Variants in VPS13C observed in about 807,000 individuals in gnomAD.
VPS13C encodes intermembrane lipid transfer protein VPS13C.
VPS13C carries 358 observed loss-of-function variants against 456.8 expected under a neutral mutation model. The ratio of observed to expected loss-of-function variants is 0.78; its 90% confidence interval spans 0.72 to 0.86. VPS13C has a LOEUF of 0.86. VPS13C is among the 40% of genes least tolerant of loss of function. VPS13C has a pLI of 0.00. For missense variants in VPS13C, 4,818 were observed against 4,385.4 expected (o/e 1.10, Z -2.79); for synonymous variants, 1,578 against 1,486.7 (o/e 1.06, Z -1.41).
At chr15:61,923,336 C>A (rs996433627) in intron 53 of VPS13C, among the ~76,000 whole-genome samples, 4 of 152,110 alleles carry the variant, frequency 2.6e-5, no homozygotes, top group African/African-American at 9.7e-5. Context: ...TGGACAGTGC[C>A]TTTCTTTGCT....
intron 12 of VPS13C, among the ~76,000 whole-genome samples, chr15:62,011,377 A>G (rs1218542742): frequency 6.6e-6 from 1 of 152,104 alleles, no homozygotes; most frequent in Non-Finnish European, 1.5e-5. Flanking sequence ...TGATTTCACA[A>G]ACTAGCAGCA....
chr15:61,969,344 C>T lies in VPS13C; in HGVS notation c.2866G>A (p.Val956Ile), dbSNP rs777913542. Residue 956 changes from valine (V) to isoleucine (I), a missense_variant, in exon 28 of 85, where the codon GTA becomes ATA. Around this residue, in one of 3 missense-constraint regions of VPS13C, gnomAD observed 4,552 missense variants for 4,130.6 expected, o/e 1.10. Coordinates refer to ENST00000644861, the MANE Select transcript of VPS13C (RefSeq NM_020821.3). The stretch of plus-strand genomic sequence containing the variant: ...AAGCTGATTTTCTTTAAATAAGATA[C>T]CACAGTTAAGTCAAATGTTCTCATT... ...ATMRTFDLTV[V>I]SYLKKISLDY... The T allele has an allele frequency of 1.2e-6, 2 of 1,602,676 alleles. No individual in the cohort carries two copies. Among genetic ancestry groups the T allele is most frequent in the East Asian group, 2.3e-5 (1 of 44,398 alleles).
At chr15:61,910,381 T>G (rs1194752636) in intron 63 of VPS13C, 76 bp from the exon 64 acceptor site, 21 of 1,159,918 alleles carry the variant, frequency 1.8e-5, no homozygotes, top group Non-Finnish European at 2.2e-5. Context: ...TAATTAAATT[T>G]TCAATTCTGA....
chr15:62,044,276 G>A, intron 1 of VPS13C, 21 bp from the exon 2 acceptor site: 1 of 1,403,914 alleles, frequency 7.1e-7, no homozygotes. Context: ...AGAAAACAAA[G>A]AAAAATATTA....
chr15:61,916,315 G>A (rs1329259075), intron 60 of VPS13C, among the ~76,000 whole-genome samples: 2 of 152,160 alleles, frequency 1.3e-5, no homozygotes, highest in Admixed American at 6.5e-5. Context: ...CAGGAAGCCT[G>A]GCTGTTGTCC....
At chr15:61,930,573 T>C (rs924660451) in intron 50 of VPS13C, among the ~76,000 whole-genome samples, 5 of 152,224 alleles carry the variant, frequency 3.3e-5, no homozygotes, top group African/African-American at 1.2e-4. Context: ...AATTAGGCTA[T>C]TGAAAATTAC....
chr15:61,957,271 G>A (rs2045035532), intron 37 of VPS13C, among the ~76,000 whole-genome samples: 1 of 152,080 alleles, frequency 6.6e-6, no homozygotes, highest in Non-Finnish European at 1.5e-5. Context: ...TCTATTACAA[G>A]TTAAAATGGT....
intron 81 of VPS13C, chr15:61,864,037 T>G (rs1894372623): frequency 1.3e-5 from 2 of 152,720 alleles, no homozygotes; most frequent in Admixed American, 6.6e-5. Flanking sequence ...GGGTCTGTGA[T>G]CTCAAAGATT....
At chr15:61,943,616 T>G (rs2044505130) in intron 45 of VPS13C, among the ~76,000 whole-genome samples, 3 of 152,100 alleles carry the variant, frequency 2.0e-5, no homozygotes. Context: ...GACCCCTACC[T>G]TTCACCATAT....
At chr15:61,958,770 T>A in intron 36 of VPS13C, 54 bp from the exon 37 acceptor site, 1 of 947,336 alleles carries the variant, frequency 1.1e-6, no homozygotes, top group East Asian at 2.9e-5. Flanking sequence ...AATGAAACAA[T>A]TTTAATACAG....
At chr15:61,859,080 A>T (rs1041153130) in intron 82 of VPS13C, among the ~76,000 whole-genome samples, 2 of 152,236 alleles carry the variant, frequency 1.3e-5, no homozygotes, top group Non-Finnish European at 2.9e-5. Flanking sequence ...AAATAAAAAA[A>T]TAACTGCCAG....
Position 61,878,604 on chromosome 15 carries a change from T to C in VPS13C, c.10142+3A>G. 6.2e-7 allele frequency: 1 copy of C among 1,606,894 alleles called. No individual in the cohort carries two copies. The highest frequency in any genetic ancestry group is 8.5e-7 in the Non-Finnish European group (1 of 1,177,480). ...TCTCAATGTACTCTAACAGAAGTCT[T>C]ACTTGAATATAAGGTCATCCACATC... On this transcript the variant is annotated splice_donor_region_variant and intron_variant, in intron 74 of 84. Transcript: ENST00000644861.
In VPS13C at chr15:61,929,492, T is replaced by G; in HGVS notation, c.6286+9A>C. On this transcript the variant is annotated intron_variant, in intron 51 of 84. Coordinates refer to ENST00000644861, the MANE Select transcript of VPS13C (RefSeq NM_020821.3). ...AAGTTGTCATCTATGACAGATAAAT[T>G]CTGCTAACCTTTCTCTATCTTGACC... 6.2e-7 allele frequency: 1 copy of G among 1,610,124 alleles called. No individual in the cohort carries two copies. The highest frequency in any genetic ancestry group is 1.3e-5 in the African/African-American group (1 of 74,990).
At chr15:62,037,966 A>G (rs932009079) in intron 3 of VPS13C, among the ~76,000 whole-genome samples, 1 of 152,186 alleles carries the variant, frequency 6.6e-6, no homozygotes, top group Admixed American at 6.6e-5. Flanking sequence ...AAGTATCCAA[A>G]TAATTGCTAA....
chr15:61,898,245 T>C (rs373577789), intron 66 of VPS13C, among the ~76,000 whole-genome samples: 14 of 151,488 alleles, frequency 9.2e-5, no homozygotes, highest in East Asian at 5.8e-4. Flanking sequence ...CAAATTCACA[T>C]ATAACAATAT....
At chr15:61,915,448 CAT>C (rs145060731) in intron 61 of VPS13C, among the ~76,000 whole-genome samples, 183 bp downstream of exon 61, 1,625 of 152,284 alleles carry the variant, frequency 0.011, 34 homozygotes, top group African/African-American at 0.037. Flanking sequence ...AAGGGCAACT[CAT>C]AGTCTCAGGA....
rs144193005 is a variant in VPS13C at position 61,974,324 on chromosome 15, C to G, written c.2502G>C (p.Leu834Phe). The change falls in exon 25 of 85, where the codon TTG becomes TTC. Residue 834 changes from leucine (L) to phenylalanine (F), a missense_variant. This residue lies in a region of VPS13C where 4,552 missense variants were observed against 4,130.6 expected (regional missense o/e 1.10). Coordinates refer to ENST00000644861, the MANE Select transcript of VPS13C (RefSeq NM_020821.3). ...DVLYLMNSIP[L>F]PQKSSAQSPE... Reference sequence around the variant, plus strand: ...GAGACTGGGCTGATGATTTCTGTGGCAAAGGTATACTGTTCATCAAATATA... The same window carrying G: ...GAGACTGGGCTGATGATTTCTGTGGGAAAGGTATACTGTTCATCAAATATA... 5 of 1,612,236 alleles carry G rather than the reference C, an allele frequency of 3.1e-6. No individual in the cohort carries two copies. In the Admixed American group the frequency reaches 8.3e-5, roughly 27 times the overall value.
At chr15:61,912,977 T>C (rs1176604517) in intron 62 of VPS13C, among the ~76,000 whole-genome samples, 1 of 150,526 alleles carries the variant, frequency 6.6e-6, no homozygotes, top group East Asian at 2.0e-4. Flanking sequence ...AAAACCACAA[T>C]GAGATACCAT....
chr15:62,033,790 A>G (rs971793187), intron 4 of VPS13C, among the ~76,000 whole-genome samples: 3 of 151,642 alleles, frequency 2.0e-5, no homozygotes, highest in African/African-American at 7.2e-5. Context: ...AAAAAGGGAG[A>G]CAGGAGGAGG....
Sources: gnomAD v4.1 joint callset for allele counts (sites outside exome capture counted in the v4.1 genomes callset) on GRCh38, gnomAD v4.1.1 for gene constraint, gnomAD v4.1.1 regional missense constraint, MANE v1.5 for transcripts, NCBI Gene and HGNC (gene_info 2026-07-23, HGNC 2026-07-21) for gene names.